Variants in NACC1 observed in about 807,000 individuals in gnomAD.
NACC1 encodes the protein nucleus accumbens-associated protein 1.
A neutral mutation model predicts 41.7 loss-of-function variants in NACC1; 6 were observed. The ratio of observed to expected loss-of-function variants is 0.14; its 90% confidence interval spans 0.08 to 0.28. The LOEUF is 0.28. Among genes scored for constraint, NACC1 ranks in the 10% least tolerant of loss-of-function variants. The pLI is 1.00. For missense variants in NACC1, 434 were observed against 763.7 expected, an observed-to-expected ratio of 0.57 and a Z score of 5.09; for synonymous variants, 338 against 330.6, an observed-to-expected ratio of 1.02 and a Z score of -0.24.
At chr19:13,122,402 GTCC>G (rs779637539) in intron 1 of NACC1, among the ~76,000 whole-genome samples, 3 of 152,104 alleles carry the variant, frequency 2.0e-5, no homozygotes, top group African/African-American at 4.8e-5. Flanking sequence ...GAGCCTCAGT[GTCC>G]TCCTCTGATA....
At chr19:13,123,504 A>G (rs2019525735) in intron 1 of NACC1, among the ~76,000 whole-genome samples, 1 of 152,164 alleles carries the variant, frequency 6.6e-6, no homozygotes, top group African/African-American at 2.4e-5. Flanking sequence ...TGGTGGTTGC[A>G]GGGAGAAGGG....
Position 13,137,474 on chromosome 19 carries a change from C to T in NACC1, c.1227-4C>T, listed in dbSNP as rs189998121. The T allele has an allele frequency of 1.7e-3, 2,713 of 1,607,022 alleles. 6 individuals are homozygous for T. The highest frequency in any genetic ancestry group is 2.0e-3 in the Non-Finnish European group (2,318 of 1,176,936). On this transcript the variant is annotated splice_region_variant and splice_polypyrimidine_tract_variant and intron_variant, in intron 4 of 5. Transcript: ENST00000292431. The surrounding 1 kb of genome is among the most constrained non-coding windows in gnomAD (Gnocchi z 6.1). ...CTGACTCCCTCCATGTCCCCTGCCC[C>T]CAGGAACACGCTGGCCAACAGCTGC... is the stretch of plus-strand genomic sequence containing the variant.
chr19:13,134,594 C>G (rs1227545095), intron 1 of NACC1, among the ~76,000 whole-genome samples: 1 of 152,170 alleles, frequency 6.6e-6, no homozygotes, highest in Non-Finnish European at 1.5e-5. Flanking sequence ...GTCTCGAACT[C>G]CTGGCCTCAA....
At chr19:13,125,389 T>G (rs1312050498) in intron 1 of NACC1, among the ~76,000 whole-genome samples, 1 of 149,852 alleles carries the variant, frequency 6.7e-6, no homozygotes, top group South Asian at 2.1e-4. Flanking sequence ...CCCTCCTGAC[T>G]GAATCAACTC....
intron 1 of NACC1, among the ~76,000 whole-genome samples, chr19:13,132,960 C>T (rs925376045): frequency 1.3e-5 from 2 of 152,148 alleles, no homozygotes; most frequent in African/African-American, 2.4e-5. Flanking sequence ...TGAACACTTG[C>T]CGTTTCTATT....
In NACC1 at chr19:13,138,128, C is replaced by T. The variant is rs145315472; in HGVS notation, c.1325-19C>T. ...TCACCTGGCCCCCGTGCCAAGGCCG[C>T]ACCCACCCTGCCCCACAGACTACTG... On this transcript the variant is annotated intron_variant, in intron 5 of 5. Transcript: ENST00000292431. This position sits in a 1 kb window ranked among gnomAD's most constrained non-coding sequence, Gnocchi z 5.7. 1.6e-4 allele frequency: 254 copies of T among 1,610,182 alleles called. No homozygotes were observed. The African/African-American group carries it at 3.0e-3, about 19-fold the overall frequency.
At chr19:13,130,275 A>G (rs768645497) in intron 1 of NACC1, among the ~76,000 whole-genome samples, 10 of 152,036 alleles carry the variant, frequency 6.6e-5, no homozygotes, top group South Asian at 2.1e-4. Context: ...TAGGGGTCTC[A>G]CTATGTTGCC....
intron 1 of NACC1, among the ~76,000 whole-genome samples, chr19:13,122,163 A>T (rs931726650): frequency 2.6e-5 from 4 of 152,128 alleles, no homozygotes; most frequent in Non-Finnish European, 4.4e-5. Context: ...GGTTGTGGTC[A>T]TGTCCCTCCA....
Position 13,135,760 on chromosome 19 carries a change from C to T in NACC1, c.553C>T (p.Leu185=). ...GCAGTGCATGCCCGTGGCCAAGCGG[C>T]TGTGGGACAGTGGCCAGAAGGAGGC... ...SVQCMPVAKR[L]WDSGQKEAGG... is the part of the protein sequence containing the mutation. The change falls in exon 2 of 6, where the codon CTG becomes TTG. Residue 185 remains leucine (L), a synonymous_variant. Coordinates refer to ENST00000292431, the MANE Select transcript of NACC1 (RefSeq NM_052876.4). 6.4e-7 allele frequency: 1 copy of T among 1,560,606 alleles called. No individual in the cohort carries two copies.
chr19:13,126,973 AC>A (rs1405492959), intron 1 of NACC1, among the ~76,000 whole-genome samples: 1 of 152,064 alleles, frequency 6.6e-6, no homozygotes, highest in African/African-American at 2.4e-5. Flanking sequence ...GGTGGCTCGC[AC>A]CTGTAGTCCG....
At chr19:13,128,837 G>A (rs1286041849) in intron 1 of NACC1, among the ~76,000 whole-genome samples, 1 of 152,206 alleles carries the variant, frequency 6.6e-6, no homozygotes, top group Non-Finnish European at 1.5e-5. Flanking sequence ...CTGTGCCCTT[G>A]GGTCTCACCA....
chr19:13,119,721 G>A (rs1046834680), intron 1 of NACC1, among the ~76,000 whole-genome samples: 8 of 152,180 alleles, frequency 5.3e-5, no homozygotes, highest in African/African-American at 1.9e-4. Context: ...ACGGGGTGAA[G>A]GCAGGGCACA....
At chr19:13,122,984 A>G (rs1011666361) in intron 1 of NACC1, among the ~76,000 whole-genome samples, 1 of 152,146 alleles carries the variant, frequency 6.6e-6, no homozygotes, top group African/African-American at 2.4e-5. Context: ...CCCATTTTCT[A>G]GATGGGAGAC....
chr19:13,138,229 C>T lies in NACC1; in HGVS notation c.1407C>T (p.Arg469=), dbSNP rs751296122. The change falls in exon 6 of 6, where the codon CGC becomes CGT. Residue 469 remains arginine (R), a synonymous_variant. Transcript: ENST00000292431. The surrounding 1 kb of genome is among the most constrained non-coding windows in gnomAD (Gnocchi z 5.7). ...IAADMCTNAR[R]VVRKSWMPKV... ...CCGACATGTGCACCAACGCCCGCCG[C>T]GTCGTGCGCAAGAGCTGGATGCCCA... 17 of 1,614,118 alleles carry T rather than the reference C, an allele frequency of 1.1e-5. No individual in the cohort carries two copies. The highest frequency in any genetic ancestry group is 8.3e-5 in the Admixed American group (5 of 60,010).
At chr19:13,122,911 C>T (rs1473428207) in intron 1 of NACC1, among the ~76,000 whole-genome samples, 4 of 152,142 alleles carry the variant, frequency 2.6e-5, no homozygotes, top group Admixed American at 6.5e-5. Context: ...GAGCGCCGAT[C>T]GGCCTGTGTT....
At chr19:13,132,759 C>T (rs2019649044) in intron 1 of NACC1, among the ~76,000 whole-genome samples, 1 of 152,128 alleles carries the variant, frequency 6.6e-6, no homozygotes, top group African/African-American at 2.4e-5. Flanking sequence ...TCCCTGATGA[C>T]TAGTAATGTT....
At chr19:13,118,574 C>T (rs115945269) in intron 1 of NACC1, 120 bp downstream of exon 1, 5,906 of 151,390 alleles carry the variant, frequency 0.039, 148 homozygotes, top group Non-Finnish European at 0.058. Flanking sequence ...GCAGCCTGCA[C>T]TGTGCCCGGG....
At chr19:13,134,164 AC>A (rs756694520) in intron 1 of NACC1, among the ~76,000 whole-genome samples, 1 of 151,424 alleles carries the variant, frequency 6.6e-6, no homozygotes, top group African/African-American at 2.4e-5. Flanking sequence ...CAACAGATCC[AC>A]CCCCCACCAC....
At chr19:13,123,616 G>A (rs747019569) in intron 1 of NACC1, among the ~76,000 whole-genome samples, 2 of 152,178 alleles carry the variant, frequency 1.3e-5, no homozygotes, top group African/African-American at 2.4e-5. Flanking sequence ...AGACCCTGAG[G>A]TGGAGGTCCT....
Sources: allele counts gnomAD v4.1 joint callset (sites outside exome capture counted in the v4.1 genomes callset), GRCh38; gene constraint gnomAD v4.1.1; non-coding constraint Gnocchi (gnomAD v3.1); transcripts MANE v1.5; gene names NCBI Gene and HGNC (gene_info 2026-07-23, HGNC 2026-07-21).